Variants in MARCHF8 observed in about 807,000 individuals in gnomAD.
MARCHF8 encodes the protein membrane associated ring-CH-type finger 8.
Under a neutral mutation model 51.6 loss-of-function variants are expected in MARCHF8, and 40 were observed. The observed-to-expected ratio is 0.77, with a 90% CI of 0.60 to 1.01. MARCHF8 has a LOEUF of 1.01. Among genes scored for constraint, MARCHF8 ranks in the 50% least tolerant of loss-of-function variants. The pLI is 0.00. For missense variants in MARCHF8, 685 were observed against 708.6 expected, an observed-to-expected ratio of 0.97 and a Z score of 0.38; for synonymous variants, 263 against 280.3, an observed-to-expected ratio of 0.94 and a Z score of 0.62.
intron 5 of MARCHF8, among the ~76,000 whole-genome samples, chr10:45,462,428 T>C (rs1488863763): frequency 6.6e-6 from 1 of 152,056 alleles, no homozygotes; most frequent in Non-Finnish European, 1.5e-5. Context: ...CACACACCTT[T>C]TGGGGGTAGG....
intron 2 of MARCHF8, among the ~76,000 whole-genome samples, chr10:45,502,421 T>C (rs189870916): frequency 7.0e-4 from 107 of 152,208 alleles, no homozygotes; most frequent in African/African-American, 2.3e-3. Context: ...TTTGTTAAAA[T>C]TTTCCCAAGT....
exon 1 of MARCHF8, chr10:45,594,255 C>T (rs2044711928): frequency 6.6e-6 from 1 of 152,176 alleles, no homozygotes; most frequent in South Asian, 2.1e-4. Flanking sequence ...CTTCTGGCAC[C>T]CCGAATGTAC....
intron 1 of MARCHF8, among the ~76,000 whole-genome samples, chr10:45,564,353 T>G (rs2044342043): frequency 6.6e-6 from 1 of 151,338 alleles, no homozygotes; most frequent in Non-Finnish European, 1.5e-5. Flanking sequence ...AAACAAAAAA[T>G]GCACTTTATG....
chr10:45,494,064 T>C (rs1223639225), intron 2 of MARCHF8, among the ~76,000 whole-genome samples: 1 of 152,180 alleles, frequency 6.6e-6, no homozygotes, highest in African/African-American at 2.4e-5. Flanking sequence ...GGAAACACAA[T>C]GGTACAGATT....
chr10:45,583,173 G>A (rs756919840), intron 1 of MARCHF8, among the ~76,000 whole-genome samples: 1 of 152,082 alleles, frequency 6.6e-6, no homozygotes, highest in Non-Finnish European at 1.5e-5. Flanking sequence ...GTATTATTTT[G>A]ATAAAAATTT....
chr10:45,488,972 G>T (rs1246381264), intron 3 of MARCHF8, among the ~76,000 whole-genome samples: 4 of 152,234 alleles, frequency 2.6e-5, no homozygotes. Context: ...CTCTGCCCTG[G>T]ATCACCTGCT....
At chr10:45,539,580 A>C (rs1205785248), upstream of MARCHF8, among the ~76,000 whole-genome samples, 1 of 152,196 alleles carries the variant, frequency 6.6e-6, no homozygotes, top group African/African-American at 2.4e-5. Flanking sequence ...TAGCAAGACT[A>C]ATAAAGAAGA....
chr10:45,493,440 A>G (rs1266970741), intron 2 of MARCHF8, among the ~76,000 whole-genome samples: 1 of 152,204 alleles, frequency 6.6e-6, no homozygotes, highest in African/African-American at 2.4e-5. Flanking sequence ...AGGTACTAAG[A>G]GATGCCACAC....
At chr10:45,482,203 T>C (rs560663125) in intron 3 of MARCHF8, among the ~76,000 whole-genome samples, 1 of 152,180 alleles carries the variant, frequency 6.6e-6, no homozygotes, top group East Asian at 1.9e-4. Flanking sequence ...CGTCCACGGA[T>C]CAAAAGAATT....
upstream of MARCHF8, among the ~76,000 whole-genome samples, chr10:45,538,593 A>G (rs1275741023): frequency 6.6e-6 from 1 of 152,228 alleles, no homozygotes; most frequent in Non-Finnish European, 1.5e-5. Context: ...AGAGACACAC[A>G]TAGGCTCAAA....
chr10:45,465,736 T>C (rs968848477), intron 3 of MARCHF8, among the ~76,000 whole-genome samples: 4 of 152,188 alleles, frequency 2.6e-5, no homozygotes, highest in African/African-American at 9.7e-5. Flanking sequence ...ATCAGCATGC[T>C]TCATGTGTAC....
At chr10:45,590,093 T>C (rs948746664) in intron 1 of MARCHF8, among the ~76,000 whole-genome samples, 5 of 152,182 alleles carry the variant, frequency 3.3e-5, no homozygotes, top group Admixed American at 6.5e-5. Context: ...TTATTATACA[T>C]AGCCATCTTA....
chr10:45,504,400 C>T (rs917100105), intron 2 of MARCHF8, among the ~76,000 whole-genome samples: 10 of 152,224 alleles, frequency 6.6e-5, no homozygotes, highest in Admixed American at 3.3e-4. Context: ...GCCGAGATCG[C>T]GCCATTGCAC....
At position 45,527,550 on chromosome 10, in the gene MARCHF8, G is replaced by A. The variant is rs1313049149; in HGVS notation, c.102+5560C>T. On this transcript the variant is annotated intron_variant, in intron 2 of 7. Coordinates refer to ENST00000453424, the MANE Select transcript of MARCHF8 (RefSeq NM_001282866.2). ...TTCCTAAAGACACACAACCTCTCAA[G>A]AATGAACTAAGAAAGAGAAAGCCTG... 2.6e-5 allele frequency among the ~76,000 whole-genome samples: 4 copies of A among 151,978 alleles called. No homozygotes were observed. In the East Asian group the frequency reaches 7.7e-4, roughly 29 times the overall value.
chr10:45,501,554 T>C (rs747847849), intron 2 of MARCHF8, among the ~76,000 whole-genome samples: 2 of 152,032 alleles, frequency 1.3e-5, no homozygotes, highest in Non-Finnish European at 2.9e-5. Context: ...TTTTAAAAAA[T>C]AGGAGAAAAT....
chr10:45,495,170 A>T (rs1349755455), intron 2 of MARCHF8, among the ~76,000 whole-genome samples: 1 of 152,058 alleles, frequency 6.6e-6, no homozygotes, highest in South Asian at 2.1e-4. Context: ...AAACCTTTGG[A>T]TTATGTAGGG....
At chr10:45,552,891 G>C (rs902599584) in intron 1 of MARCHF8, among the ~76,000 whole-genome samples, 2 of 152,122 alleles carry the variant, frequency 1.3e-5, no homozygotes, top group African/African-American at 4.8e-5. Flanking sequence ...TAATTTAATT[G>C]AATACTATAT....
chr10:45,506,669 C>G (rs1458029634), intron 2 of MARCHF8, among the ~76,000 whole-genome samples: 1 of 152,176 alleles, frequency 6.6e-6, no homozygotes, highest in Non-Finnish European at 1.5e-5. Flanking sequence ...TTAATATTGT[C>G]ACGCACGTCC....
intron 1 of MARCHF8, among the ~76,000 whole-genome samples, chr10:45,584,373 A>G (rs909481494): frequency 1.3e-5 from 2 of 151,958 alleles, no homozygotes; most frequent in South Asian, 4.1e-4. Context: ...AAAACTTTTT[A>G]AAAAGCAACA....
Sources: allele counts gnomAD v4.1 joint callset (sites outside exome capture counted in the v4.1 genomes callset), GRCh38; gene constraint gnomAD v4.1.1; transcripts MANE v1.5; gene names NCBI Gene and HGNC (gene_info 2026-07-23, HGNC 2026-07-21).